Variants in TGFBR3 observed in about 807,000 individuals in gnomAD.
TGFBR3 encodes transforming growth factor beta receptor type 3.
In TGFBR3, 46 loss-of-function variants were observed where a neutral mutation model predicts 87.9. The ratio of observed to expected loss-of-function variants is 0.52; its 90% CI spans 0.41 to 0.67. The LOEUF (loss-of-function observed/expected upper bound fraction) is 0.67, where lower values mean the gene tolerates loss of function less well. Among genes scored for constraint, TGFBR3 ranks in the 30% least tolerant of loss-of-function variants. The probability of loss-of-function intolerance (pLI) is 0.00; values close to 1 mark genes in which losing one functional copy is unlikely to be tolerated. For synonymous variants in TGFBR3, 381 were observed against 391.6 expected (o/e 0.97, Z 0.32); for missense variants, 866 against 1,041.9 (o/e 0.83, Z 2.32).
intron 3 of TGFBR3, among the ~76,000 whole-genome samples, chr1:91,786,812 T>C (rs1486272130): frequency 6.6e-6 from 1 of 151,510 alleles, no homozygotes; most frequent in Non-Finnish European, 1.5e-5. Flanking sequence ...AGTTCCAAGA[T>C]GGATGGTACT....
At position 91,885,889 on chromosome 1, in the gene TGFBR3, T is replaced by A. The variant is rs938354124; in HGVS notation, c.-125A>T. ...GGGCCGGCACGTACCTCGGAGGCGGTGTGTCCAGCGGAGATCCACCCGCAG... is the reference window on the plus strand; with the variant it reads ...GGGCCGGCACGTACCTCGGAGGCGGAGTGTCCAGCGGAGATCCACCCGCAG... On this transcript the variant is annotated 5_prime_UTR_variant, in exon 1 of 17. Transcript: ENST00000212355. 18 of 391,506 alleles carry A rather than the reference T, an allele frequency of 4.6e-5. No homozygotes were observed. Among genetic ancestry groups the A allele is most frequent in the Admixed American group, 4.0e-4 (15 of 37,154 alleles). The allele number at this position is 391,506 out of a possible 1,614,324, so 24.3% of individuals were successfully genotyped here.
At chr1:91,695,641 T>C in intron 16 of TGFBR3, 31 bp downstream of exon 16, 1 of 1,558,222 alleles carries the variant, frequency 6.4e-7, no homozygotes, top group South Asian at 1.1e-5. Context: ...CACAAGCTGT[T>C]CACCAACTCT....
chr1:91,833,514 T>C (rs1676941280), intron 2 of TGFBR3, among the ~76,000 whole-genome samples: 1 of 133,170 alleles, frequency 7.5e-6, no homozygotes, highest in Non-Finnish European at 1.6e-5. Context: ...ACGCCTATAA[T>C]CCCAGCACTT....
intron 1 of TGFBR3, among the ~76,000 whole-genome samples, chr1:91,876,828 C>G (rs942403130): frequency 6.6e-6 from 1 of 152,046 alleles, no homozygotes; most frequent in African/African-American, 2.4e-5. Flanking sequence ...TGAGAAAAAT[C>G]TGAAAGCCAA....
intron 6 of TGFBR3, among the ~76,000 whole-genome samples, chr1:91,729,150 TACACACACACAC>T (rs57364204): frequency 0.016 from 1,083 of 66,914 alleles, 23 homozygotes; most frequent in African/African-American, 0.036. Flanking sequence ...CACTCCAGCA[TACACACACACAC>T]ACACACACAC....
intron 2 of TGFBR3, among the ~76,000 whole-genome samples, chr1:91,833,007 C>CAAA (rs1394507596): frequency 1.0e-5 from 1 of 98,878 alleles, no homozygotes; most frequent in African/African-American, 3.8e-5. Context: ...GAATCTGTCT[C>CAAA]AAAAAAAAAA....
At chr1:91,737,622 G>A (rs1247800794) in intron 4 of TGFBR3, among the ~76,000 whole-genome samples, 1 of 152,120 alleles carries the variant, frequency 6.6e-6, no homozygotes, top group African/African-American at 2.4e-5. Context: ...ACTAGTCTGA[G>A]CCATGCCTAC....
chr1:91,879,588 T>C (rs2770184), intron 1 of TGFBR3, among the ~76,000 whole-genome samples: 1 of 152,216 alleles, frequency 6.6e-6, no homozygotes, highest in Admixed American at 6.5e-5. Context: ...GAATAAAAAA[T>C]GAAGAATAAG....
intron 4 of TGFBR3, among the ~76,000 whole-genome samples, chr1:91,757,223 C>T (rs1310253399): frequency 6.6e-6 from 1 of 152,022 alleles, no homozygotes; most frequent in African/African-American, 2.4e-5. Flanking sequence ...TATAGAATGT[C>T]GTTCAATTTG....
intron 3 of TGFBR3, among the ~76,000 whole-genome samples, chr1:91,783,858 C>A (rs1046704987): frequency 2.6e-5 from 4 of 152,166 alleles, no homozygotes; most frequent in African/African-American, 9.7e-5. Context: ...AAAATGCCCT[C>A]TTTCAGTTAG....
chr1:91,697,421 C>T (rs1045530429), intron 15 of TGFBR3, among the ~76,000 whole-genome samples: 1 of 152,148 alleles, frequency 6.6e-6, no homozygotes, highest in African/African-American at 2.4e-5. Context: ...ACAAATTCTC[C>T]TCACAAGACA....
chr1:91,848,724 A>G (rs1228798693), intron 2 of TGFBR3, among the ~76,000 whole-genome samples: 1 of 152,222 alleles, frequency 6.6e-6, no homozygotes, highest in African/African-American at 2.4e-5. Flanking sequence ...CACTTCTGCA[A>G]AAGGTGGTAA....
intron 6 of TGFBR3, 62 bp downstream of exon 6, chr1:91,729,743 T>C (rs1571450105): frequency 1.2e-6 from 2 of 1,600,840 alleles, no homozygotes; most frequent in Non-Finnish European, 1.7e-6. Context: ...TCTCCCTGCC[T>C]CAAGTCAAGG....
chr1:91,759,693 T>G (rs1673889316), intron 3 of TGFBR3, among the ~76,000 whole-genome samples: 1 of 152,186 alleles, frequency 6.6e-6, no homozygotes, highest in Non-Finnish European at 1.5e-5. Flanking sequence ...AAGAATCACA[T>G]ATTTAAACAG....
intron 16 of TGFBR3, among the ~76,000 whole-genome samples, chr1:91,690,104 C>T (rs2100700018): frequency 6.6e-6 from 1 of 152,250 alleles, no homozygotes; most frequent in Admixed American, 6.5e-5. Flanking sequence ...GTGGGAAAAA[C>T]TGAGAAACAA....
chr1:91,705,486 C>T (rs1320627664), intron 14 of TGFBR3, among the ~76,000 whole-genome samples: 1 of 152,000 alleles, frequency 6.6e-6, no homozygotes, highest in East Asian at 1.9e-4. Flanking sequence ...GCCTCGGCCT[C>T]CCAAAGTGCT....
intron 2 of TGFBR3, among the ~76,000 whole-genome samples, chr1:91,857,918 C>G (rs1301962782): frequency 6.6e-6 from 1 of 152,172 alleles, no homozygotes; most frequent in Non-Finnish European, 1.5e-5. Context: ...GGCTCAAAAC[C>G]TATTACCATT....
chr1:91,898,895 T>C (rs968204058), intron 2 of TGFBR3, among the ~76,000 whole-genome samples: 1 of 152,242 alleles, frequency 6.6e-6, no homozygotes, highest in Non-Finnish European at 1.5e-5. Context: ...AGCTGCTATA[T>C]ATCCCTTGCA....
At chr1:91,759,214 A>G (rs1673862687) in intron 3 of TGFBR3, among the ~76,000 whole-genome samples, 1 of 152,124 alleles carries the variant, frequency 6.6e-6, no homozygotes, top group African/African-American at 2.4e-5. Context: ...CAACCTCTAT[A>G]AAGTGAAATG....
Sources: allele counts gnomAD v4.1 joint callset (sites outside exome capture counted in the v4.1 genomes callset), GRCh38; gene constraint gnomAD v4.1.1; transcripts MANE v1.5; gene names NCBI Gene and HGNC (gene_info 2026-07-23, HGNC 2026-07-21).